Variants in SIPA1L1 observed in about 807,000 individuals in gnomAD.
SIPA1L1 encodes signal-induced proliferation-associated 1-like protein 1.
Under a neutral mutation model 162.7 loss-of-function variants are expected in SIPA1L1, and 26 were observed. That is an observed-to-expected ratio of 0.16 (90% confidence interval 0.12 to 0.22). SIPA1L1 has a LOEUF of 0.22. Ranked by LOEUF, SIPA1L1 falls within the 10% of genes least tolerant of loss-of-function variation. The pLI is 1.00. For missense variants in SIPA1L1, 1,874 were observed against 2,241.0 expected (o/e 0.84, Z 3.31); for synonymous variants, 829 against 837.4 (o/e 0.99, Z 0.17).
At chr14:71,442,764 T>TA (rs907273459) in intron 2 of SIPA1L1, among the ~76,000 whole-genome samples, 18 of 151,806 alleles carry the variant, frequency 1.2e-4, no homozygotes, top group South Asian at 8.3e-4. Context: ...CTTGTCTCTA[T>TA]AAAAAAAATA....
intron 2 of SIPA1L1, among the ~76,000 whole-genome samples, chr14:71,332,445 T>C (rs905657046): frequency 6.6e-6 from 1 of 152,140 alleles, no homozygotes; most frequent in African/African-American, 2.4e-5. Context: ...ATATTAAATA[T>C]TATTTATATA....
chr14:71,658,673 C>T (rs192701174), intron 9 of SIPA1L1, among the ~76,000 whole-genome samples: 1 of 152,278 alleles, frequency 6.6e-6, no homozygotes, highest in East Asian at 1.9e-4. Flanking sequence ...TTGCTTTTCA[C>T]CCACGGGGAT....
intron 2 of SIPA1L1, among the ~76,000 whole-genome samples, chr14:71,337,240 T>G (rs1472987033): frequency 1.3e-5 from 2 of 152,240 alleles, no homozygotes; most frequent in African/African-American, 2.4e-5. Context: ...CGTCCTATTC[T>G]GATTTTCGAA....
At chr14:71,389,981 A>G (rs1595173990) in intron 2 of SIPA1L1, among the ~76,000 whole-genome samples, 1 of 152,328 alleles carries the variant, frequency 6.6e-6, no homozygotes, top group South Asian at 2.1e-4. Context: ...CAAGATTTCC[A>G]TCTTTTCAAA....
At position 71,661,355 on chromosome 14, in the gene SIPA1L1, T is replaced by G. The variant is rs760408134; in HGVS notation, c.2143T>G (p.Phe715Val). The part of the protein sequence containing the change: ...HIGNDIVTIV[F>V]QEPGAQPFSP... ...TGGAAATGATATCGTAACAATTGTT[T>G]TCCAAGAGCCTGGAGCACAGCCATT... Residue 715 changes from phenylalanine (F) to valine (V), a missense_variant, in exon 10 of 24, where the codon TTC (phenylalanine) becomes GTC (valine). Physicochemically the swap from Phe to Val is conservative, Grantham distance 50 (BLOSUM62 -1). Transcript: ENST00000381232. The G allele has an allele frequency of 6.2e-7, 1 of 1,614,038 alleles. No individual in the cohort carries two copies. The highest frequency in any genetic ancestry group is 8.5e-7 in the Non-Finnish European group (1 of 1,179,934).
chr14:71,614,753 A>G (rs2038632936), intron 5 of SIPA1L1, among the ~76,000 whole-genome samples: 1 of 152,228 alleles, frequency 6.6e-6, no homozygotes, highest in Non-Finnish European at 1.5e-5. Context: ...CTTCATTAGC[A>G]GCTGGGAAAA....
chr14:71,489,618 G>T (rs2049066106), intron 2 of SIPA1L1, among the ~76,000 whole-genome samples: 1 of 151,642 alleles, frequency 6.6e-6, no homozygotes, highest in Admixed American at 6.6e-5. Context: ...CAATCTTTTG[G>T]CTTCCCTGGG....
At chr14:71,340,580 T>C (rs551726974) in intron 2 of SIPA1L1, among the ~76,000 whole-genome samples, 1 of 152,340 alleles carries the variant, frequency 6.6e-6, no homozygotes, top group African/African-American at 2.4e-5. Flanking sequence ...CCCCTAGTTT[T>C]CCGATGCTCC....
intron 13 of SIPA1L1, among the ~76,000 whole-genome samples, chr14:71,688,499 A>G (rs1180883002): frequency 1.3e-5 from 2 of 152,194 alleles, no homozygotes; most frequent in African/African-American, 2.4e-5. Flanking sequence ...GTCCTTCTTG[A>G]GTCCCCAGAT....
intron 2 of SIPA1L1, among the ~76,000 whole-genome samples, chr14:71,466,526 C>T (rs1023166025): frequency 1.3e-5 from 2 of 151,744 alleles, no homozygotes; most frequent in Non-Finnish European, 2.9e-5. Flanking sequence ...AGGACAGTTC[C>T]CAGGCTGCTC....
chr14:71,392,254 A>G (rs1268625342), intron 2 of SIPA1L1, among the ~76,000 whole-genome samples: 3 of 152,154 alleles, frequency 2.0e-5, no homozygotes, highest in African/African-American at 7.2e-5. Context: ...TTAATATGGC[A>G]GAGGCCCTCT....
intron 2 of SIPA1L1, among the ~76,000 whole-genome samples, chr14:71,329,209 G>C (rs1408141620): frequency 6.6e-6 from 1 of 152,186 alleles, no homozygotes; most frequent in Non-Finnish European, 1.5e-5. Flanking sequence ...TTGTTGCTAT[G>C]AACGTGGGTG....
chr14:71,363,421 A>G (rs1035603164), intron 2 of SIPA1L1, among the ~76,000 whole-genome samples: 2 of 151,846 alleles, frequency 1.3e-5, no homozygotes, highest in African/African-American at 2.4e-5. Flanking sequence ...ACCACATTGC[A>G]TAGAAAAAAT....
In SIPA1L1 at chr14:71,394,838, T is replaced by C. The variant is rs535658167; in HGVS notation, c.-465+73657T>C. Among the ~76,000 whole-genome samples, 3 of 152,360 alleles carry C rather than the reference T, an allele frequency of 2.0e-5. No homozygotes were observed. The South Asian group carries it at 6.2e-4, about 32-fold the overall frequency. On this transcript the variant is annotated intron_variant, in intron 2 of 23. Coordinates refer to ENST00000381232, the MANE Select transcript of SIPA1L1 (RefSeq NM_001386936.1). ...GGATAAGCAGTAAGGAGAAGGATAG[T>C]TAAAATAATTTGTGTGATTCGTTTT... is the stretch of plus-strand genomic sequence containing the variant.
At chr14:71,597,193 G>A (rs1690316033) in intron 5 of SIPA1L1, among the ~76,000 whole-genome samples, 1 of 151,610 alleles carries the variant, frequency 6.6e-6, no homozygotes, top group Non-Finnish European at 1.5e-5. Flanking sequence ...TGTCACCCAG[G>A]CTGGTCTCAA....
intron 2 of SIPA1L1, among the ~76,000 whole-genome samples, chr14:71,358,770 CTT>C (rs2037519685): frequency 6.6e-6 from 1 of 152,120 alleles, no homozygotes; most frequent in Admixed American, 6.5e-5. Context: ...CCTCAGGAAA[CTT>C]TTAGTCATGG....
chr14:71,360,441 A>C (rs1465211858), intron 2 of SIPA1L1, among the ~76,000 whole-genome samples: 1 of 152,228 alleles, frequency 6.6e-6, no homozygotes, highest in East Asian at 1.9e-4. Flanking sequence ...CAGCTAGTTA[A>C]CGGCAGAGTT....
intron 15 of SIPA1L1, chr14:71,704,628 T>C: frequency 1.2e-6 from 1 of 852,288 alleles, no homozygotes; most frequent in Non-Finnish European, 2.0e-6. Context: ...TCTCTCACTT[T>C]TGGAACCCCA....
intron 4 of SIPA1L1, among the ~76,000 whole-genome samples, chr14:71,544,240 ATACACATATG>A: frequency 6.9e-6 from 1 of 144,594 alleles, no homozygotes; most frequent in Non-Finnish European, 1.6e-5. Context: ...TCATGTATGT[ATACACATATG>A]TATATACACA....
Sources: allele counts gnomAD v4.1 joint callset (sites outside exome capture counted in the v4.1 genomes callset), GRCh38; gene constraint gnomAD v4.1.1; transcripts MANE v1.5; gene names NCBI Gene and HGNC (gene_info 2026-07-23, HGNC 2026-07-21).